Variants in CSGALNACT1 observed in about 807,000 individuals in gnomAD.
The protein encoded by CSGALNACT1 is beta4GalNAcT-1.
Under a neutral mutation model 51.0 loss-of-function variants are expected in CSGALNACT1, and 52 were observed. That is an observed-to-expected ratio of 1.02 (90% CI 0.82 to 1.29). The LOEUF is 1.29. CSGALNACT1 is among the 50% of genes most tolerant of loss of function. The pLI is 0.00. For synonymous variants in CSGALNACT1, 341 were observed against 254.4 expected, an observed-to-expected ratio of 1.34 and a Z score of -3.24; for missense variants, 935 against 679.2, an observed-to-expected ratio of 1.38 and a Z score of -4.19.
intron 1 of CSGALNACT1, among the ~76,000 whole-genome samples, chr8:19,693,039 C>G (rs1252030335): frequency 6.6e-6 from 1 of 152,184 alleles, no homozygotes; most frequent in African/African-American, 2.4e-5. Flanking sequence ...CCAGGAGTCT[C>G]GCTCCATCCC....
intron 8 of CSGALNACT1, among the ~76,000 whole-genome samples, chr8:19,409,755 T>C (rs904629442): frequency 9.2e-5 from 14 of 152,154 alleles, no homozygotes; most frequent in African/African-American, 3.4e-4. Flanking sequence ...GTTCTGTTCA[T>C]CGTTAATTAG....
upstream of CSGALNACT1, among the ~76,000 whole-genome samples, chr8:19,604,788 G>A (rs1200270626): frequency 6.6e-6 from 1 of 151,172 alleles, no homozygotes; most frequent in African/African-American, 2.4e-5. Context: ...GATGGCAGGT[G>A]CCTGTAGTCT....
At chr8:19,671,350 G>T (rs1273112650) in intron 1 of CSGALNACT1, among the ~76,000 whole-genome samples, 2 of 152,158 alleles carry the variant, frequency 1.3e-5, no homozygotes, top group African/African-American at 4.8e-5. Flanking sequence ...CTAGTTAGGT[G>T]TACACGACAA....
At chr8:19,606,653 A>G (rs994509079), upstream of CSGALNACT1, among the ~76,000 whole-genome samples, 9 of 152,232 alleles carry the variant, frequency 5.9e-5, no homozygotes, top group African/African-American at 9.6e-5. Flanking sequence ...CAACGGAAAC[A>G]TATCTATTTT....
In CSGALNACT1 at chr8:19,727,603, A is replaced by C. The variant is rs369123122; in HGVS notation, c.-297+30247T>G. ...TGGGCTGAAGCGATCCAACCGCCTC[A>C]ACCTCCCAAGGGATTATAGGTGTGA... On this transcript the variant is annotated intron_variant, in intron 1 of 1. Coordinates refer to the CSGALNACT1 transcript ENST00000517494. Among the ~76,000 whole-genome samples, 37 of 152,314 alleles carry C rather than the reference A, an allele frequency of 2.4e-4. 1 individual carries two copies. In the East Asian group the frequency reaches 5.6e-3, roughly 23 times the overall value.
chr8:19,749,324 C>G (rs2064885076), intron 1 of CSGALNACT1, among the ~76,000 whole-genome samples: 1 of 151,176 alleles, frequency 6.6e-6, no homozygotes, highest in African/African-American at 2.4e-5. Context: ...AAACTCTTCT[C>G]CAATTCGATA....
intron 4 of CSGALNACT1, among the ~76,000 whole-genome samples, chr8:19,473,174 G>C (rs1474751338): frequency 6.6e-6 from 1 of 152,124 alleles, no homozygotes; most frequent in Admixed American, 6.5e-5. Context: ...TGATATTCTG[G>C]TAAAAAGCCT....
intron 5 of CSGALNACT1, among the ~76,000 whole-genome samples, chr8:19,441,654 C>A (rs1286743535): frequency 6.6e-6 from 1 of 152,200 alleles, no homozygotes; most frequent in Non-Finnish European, 1.5e-5. Flanking sequence ...AGGACATAGG[C>A]ATGGGCAAGG....
chr8:19,516,126 A>C (rs2079486095), intron 3 of CSGALNACT1, among the ~76,000 whole-genome samples: 1 of 152,158 alleles, frequency 6.6e-6, no homozygotes, highest in Non-Finnish European at 1.5e-5. Context: ...CCTCGTTCAT[A>C]ATTACAAGCA....
chr8:19,729,554 G>A (rs533926542), intron 1 of CSGALNACT1, among the ~76,000 whole-genome samples: 5 of 152,270 alleles, frequency 3.3e-5, no homozygotes, highest in African/African-American at 9.6e-5. Context: ...GGATCAGAGG[G>A]CTAGTTAGAG....
At chr8:19,506,399 T>C (rs2077336363) in intron 3 of CSGALNACT1, among the ~76,000 whole-genome samples, 2 of 151,910 alleles carry the variant, frequency 1.3e-5, no homozygotes, top group South Asian at 4.1e-4. Flanking sequence ...AGATTAAGAG[T>C]CATCTTTCTA....
intron 4 of CSGALNACT1, among the ~76,000 whole-genome samples, chr8:19,469,769 T>G (rs1271345304): frequency 6.6e-6 from 1 of 152,206 alleles, no homozygotes; most frequent in Non-Finnish European, 1.5e-5. Flanking sequence ...TGTTACCTTT[T>G]CACACGACCC....
chr8:19,616,725 C>T (rs1740796488), intron 1 of CSGALNACT1, among the ~76,000 whole-genome samples: 1 of 152,122 alleles, frequency 6.6e-6, no homozygotes, highest in African/African-American at 2.4e-5. Flanking sequence ...TGTGATGTAT[C>T]TGCTCCTGCC....
exon 4 of CSGALNACT1, chr8:19,505,727 T>G (rs1453245100): frequency 6.2e-7 from 1 of 1,614,134 alleles, no homozygotes; most frequent in Non-Finnish European, 8.5e-7. Context: ...CGTCACCTTT[T>G]GGGGTGCAGG....
chr8:19,409,605 A>G lies in CSGALNACT1; in HGVS notation c.1228-911T>C, dbSNP rs59308978. Reference sequence around the variant, plus strand: ...AGTTTTGAGATCTTAGTTATTTTTCATAATTCATTCTTGCAGTTAACATAG... The same window carrying G: ...AGTTTTGAGATCTTAGTTATTTTTCGTAATTCATTCTTGCAGTTAACATAG... On this transcript the variant is annotated intron_variant, in intron 8 of 9. Transcript: ENST00000454498. Among the ~76,000 whole-genome samples the G allele has an allele frequency of 8.4e-3, 1,276 of 152,270 alleles. 18 individuals carry two copies. Among genetic ancestry groups the G allele is most frequent in the African/African-American group, 0.029 (1,194 of 41,542 alleles).
intron 1 of CSGALNACT1, among the ~76,000 whole-genome samples, chr8:19,628,233 C>T (rs2054700358): frequency 6.6e-6 from 1 of 152,186 alleles, no homozygotes; most frequent in African/African-American, 2.4e-5. Context: ...CTCACAGTTC[C>T]ACATGGCTGG....
intron 1 of CSGALNACT1, among the ~76,000 whole-genome samples, chr8:19,647,295 T>C (rs1278342433): frequency 6.6e-6 from 1 of 152,156 alleles, no homozygotes; most frequent in African/African-American, 2.4e-5. Context: ...CTCATCCCTG[T>C]ATTCCCAACA....
chr8:19,750,049 T>C (rs1334677378), intron 1 of CSGALNACT1, among the ~76,000 whole-genome samples: 2 of 152,094 alleles, frequency 1.3e-5, no homozygotes, highest in African/African-American at 4.8e-5. Flanking sequence ...GTCACTTATA[T>C]CCCCCTGCAT....
chr8:19,422,760 C>T (rs1467586126), intron 6 of CSGALNACT1, among the ~76,000 whole-genome samples: 2 of 152,192 alleles, frequency 1.3e-5, no homozygotes, highest in Non-Finnish European at 2.9e-5. Context: ...TCTGCAGCCC[C>T]AGCTCCTGTA....
Sources: gnomAD v4.1 joint callset for allele counts (sites outside exome capture counted in the v4.1 genomes callset) on GRCh38, gnomAD v4.1.1 for gene constraint, MANE v1.5 for transcripts, NCBI Gene and HGNC (gene_info 2026-07-23, HGNC 2026-07-21) for gene names.